Variants in GRIK4 observed in about 807,000 individuals in gnomAD.
The protein encoded by GRIK4 is glutamate receptor ionotropic, kainate 4.
GRIK4 carries 40 observed loss-of-function variants against 104.9 expected under a neutral mutation model. That is an observed-to-expected ratio of 0.38 (90% CI 0.30 to 0.50). GRIK4 has a LOEUF of 0.50. Among genes scored for constraint, GRIK4 ranks in the 20% least tolerant of loss-of-function variants. The pLI is 0.93. For synonymous variants in GRIK4, 485 were observed against 524.9 expected (o/e 0.92, Z 1.04); for missense variants, 1,047 against 1,308.1 (o/e 0.80, Z 3.08).
At chr11:120,802,482 ATTAGAATTCAC>A (rs1372788970) in intron 3 of GRIK4, among the ~76,000 whole-genome samples, 200 bp from the exon 4 acceptor site, 1 of 152,146 alleles carries the variant, frequency 6.6e-6, no homozygotes, top group Non-Finnish European at 1.5e-5. Flanking sequence ...GTGCATCCAC[ATTAGAATTCAC>A]TTCTACACCT....
intron 1 of GRIK4, among the ~76,000 whole-genome samples, chr11:120,581,580 C>T (rs925096639): frequency 5.3e-5 from 8 of 152,308 alleles, no homozygotes; most frequent in East Asian, 1.9e-4. Flanking sequence ...CTCTTCCCCT[C>T]GGTTCCTAGA....
chr11:120,815,471 A>G lies in GRIK4; in HGVS notation c.341A>G (p.Lys114Arg). The G allele has an allele frequency of 6.5e-7, 1 of 1,536,002 alleles. No homozygotes were observed. The highest frequency in any genetic ancestry group is 8.8e-7 in the Non-Finnish European group (1 of 1,134,696). Residue 114 changes from lysine to arginine, a missense_variant, in exon 5 of 21, where the codon AAG (lysine) becomes AGG (arginine). By Grantham distance (26) the Lys-to-Arg change is conservative. Transcript: ENST00000527524. ...SSIISNICGE[K>R]EVPHFKVAPE... ...ATCATCAGCAACATCTGTGGAGAGAAGGAGGTGAGTGTGAGGCAGGGCTGG... is the reference window on the plus strand; with the variant it reads ...ATCATCAGCAACATCTGTGGAGAGAGGGAGGTGAGTGTGAGGCAGGGCTGG...
intron 13 of GRIK4, among the ~76,000 whole-genome samples, chr11:120,935,643 A>G (rs1943579826): frequency 6.6e-6 from 1 of 152,232 alleles, no homozygotes; most frequent in African/African-American, 2.4e-5. Flanking sequence ...TTGTTGTTGC[A>G]ATTACAGAGT....
chr11:120,947,599 TG>T (rs1048280669), intron 14 of GRIK4, among the ~76,000 whole-genome samples: 1 of 152,104 alleles, frequency 6.6e-6, no homozygotes, highest in African/African-American at 2.4e-5. Flanking sequence ...AAATGGAAAA[TG>T]AATAGAGTTC....
Position 120,538,449 on chromosome 11 carries a change from T to A in GRIK4, c.-159+26562T>A, listed in dbSNP as rs12294252. Among the ~76,000 whole-genome samples the A allele has an allele frequency of 1.0e-2, 1,520 of 152,338 alleles. 33 individuals carry two copies. Among genetic ancestry groups the A allele is most frequent in the African/African-American group, 0.034 (1,423 of 41,576 alleles). On this transcript the variant is annotated intron_variant, in intron 1 of 20. Transcript: ENST00000527524. ...GGCCTCCTCTCCCAGCACAGGCACA[T>A]CCAGCCATTCCAAATCCTTGAGACT...
At chr11:120,876,530 T>G (rs1466030054) in intron 11 of GRIK4, among the ~76,000 whole-genome samples, 1 of 149,952 alleles carries the variant, frequency 6.7e-6, no homozygotes, top group Non-Finnish European at 1.5e-5. Flanking sequence ...CAGCCTCCAT[T>G]TATTAAGCTT....
At chr11:120,521,472 G>GA (rs1947796521) in intron 1 of GRIK4, among the ~76,000 whole-genome samples, 1 of 152,294 alleles carries the variant, frequency 6.6e-6, no homozygotes, top group East Asian at 1.9e-4. Context: ...CCACAAACCT[G>GA]AGAGACAGGA....
At chr11:120,742,230 C>T (rs1203201172) in intron 3 of GRIK4, among the ~76,000 whole-genome samples, 3 of 151,714 alleles carry the variant, frequency 2.0e-5, no homozygotes, top group African/African-American at 7.3e-5. Context: ...CCTTTAGTCC[C>T]AGTCACTTGG....
At chr11:120,788,082 G>T (rs900164210) in intron 3 of GRIK4, among the ~76,000 whole-genome samples, 5 of 149,986 alleles carry the variant, frequency 3.3e-5, no homozygotes, top group Admixed American at 2.7e-4. Context: ...TGTTGGCCAG[G>T]ATGGTCTCAA....
At chr11:120,803,922 A>C (rs1219939631) in intron 4 of GRIK4, among the ~76,000 whole-genome samples, 1 of 152,206 alleles carries the variant, frequency 6.6e-6, no homozygotes, top group Non-Finnish European at 1.5e-5. Context: ...CTGAGGCTCA[A>C]AGCCATTGAA....
intron 19 of GRIK4, among the ~76,000 whole-genome samples, chr11:120,980,113 G>A (rs920975052): frequency 5.4e-4 from 83 of 152,306 alleles, no homozygotes; most frequent in African/African-American, 1.9e-3. Flanking sequence ...TAGGATTACA[G>A]GCATGCACCA....
intron 19 of GRIK4, among the ~76,000 whole-genome samples, chr11:120,979,303 T>G (rs1162842009): frequency 6.6e-6 from 1 of 152,352 alleles, no homozygotes; most frequent in Non-Finnish European, 1.5e-5. Flanking sequence ...TTTGATTAGA[T>G]TTTTAACTTT....
chr11:120,948,520 T>A (rs1235653667), intron 14 of GRIK4, among the ~76,000 whole-genome samples: 2 of 152,130 alleles, frequency 1.3e-5, no homozygotes, highest in East Asian at 3.9e-4. Flanking sequence ...CTTTTAAGAG[T>A]CTTCCTTCCA....
At chr11:120,519,236 A>C (rs61900863) in intron 1 of GRIK4, among the ~76,000 whole-genome samples, 2 of 152,108 alleles carry the variant, frequency 1.3e-5, no homozygotes, top group Non-Finnish European at 2.9e-5. Context: ...CTTTCCATAT[A>C]TTATCTTAAT....
At position 120,513,884 on chromosome 11, in the gene GRIK4, T is replaced by C. The variant is rs1432731172; in HGVS notation, c.-159+1997T>C. Among the ~76,000 whole-genome samples the C allele has an allele frequency of 6.6e-6, 1 of 152,202 alleles. No homozygotes were observed. The highest frequency in any genetic ancestry group is 1.5e-5 in the Non-Finnish European group (1 of 68,042). ...CGGTGGCTGCTGTCTTCCCCAGCAA[T>C]GAAAATTCTTCCGAGAGCCTGGGTC... On this transcript the variant is annotated intron_variant, in intron 1 of 20. Transcript: ENST00000527524. This position sits in a 1 kb window ranked among gnomAD's most constrained non-coding sequence, Gnocchi z 4.5.
At chr11:120,718,390 T>C (rs1327377981) in intron 3 of GRIK4, among the ~76,000 whole-genome samples, 1 of 152,166 alleles carries the variant, frequency 6.6e-6, no homozygotes, top group African/African-American at 2.4e-5. Flanking sequence ...TACTTGCCAG[T>C]TTCCATTTTC....
At chr11:120,879,032 C>T (rs4077910) in intron 11 of GRIK4, among the ~76,000 whole-genome samples, 26,680 of 152,120 alleles carry the variant, frequency 0.18, 2,796 homozygotes, top group East Asian at 0.5. Context: ...CCAATCTTGA[C>T]GACAGCCCTT....
intron 3 of GRIK4, among the ~76,000 whole-genome samples, chr11:120,765,839 G>T (rs764255801): frequency 6.6e-6 from 1 of 152,214 alleles, no homozygotes; most frequent in East Asian, 1.9e-4. Flanking sequence ...ATCATAGAGG[G>T]GCACCTGCCA....
At position 120,511,898 on chromosome 11, in the gene GRIK4, C is replaced by T; in HGVS notation, c.-159+11C>T. 1 of 163,854 alleles carries T rather than the reference C, an allele frequency of 6.1e-6. No homozygotes were observed. The allele number at this position is 163,854 out of a possible 1,614,324, so 10.2% of individuals were successfully genotyped here. ...TGCGGAGCCGACCAGGTAAGGGCAG[C>T]GGCCCCCCGCGGCGCCCCCGGCCCG... On this transcript the variant is annotated intron_variant, in intron 1 of 20. Coordinates refer to ENST00000527524, the MANE Select transcript of GRIK4 (RefSeq NM_014619.5).
Sources: allele counts gnomAD v4.1 joint callset (sites outside exome capture counted in the v4.1 genomes callset), GRCh38; gene constraint gnomAD v4.1.1; non-coding constraint Gnocchi (gnomAD v3.1); transcripts MANE v1.5; gene names NCBI Gene and HGNC (gene_info 2026-07-23, HGNC 2026-07-21).